Variants in COL19A1 observed in about 807,000 individuals in gnomAD.
The protein encoded by COL19A1 is collagen alpha-1(XIX) chain.
In COL19A1, 159 loss-of-function variants were observed where a neutral mutation model predicts 190.2. The ratio of observed to expected loss-of-function variants is 0.84; its 90% confidence interval spans 0.73 to 0.95. COL19A1 has a LOEUF of 0.95. COL19A1 is among the 40% of genes least tolerant of loss of function. The probability of loss-of-function intolerance (pLI) is 0.00; values close to 1 mark genes in which losing one functional copy is unlikely to be tolerated. For missense variants in COL19A1, 1,418 were observed against 1,431.9 expected, an observed-to-expected ratio of 0.99 and a Z score of 0.16; for synonymous variants, 509 against 458.9, an observed-to-expected ratio of 1.11 and a Z score of -1.39.
At chr6:69,968,291 G>A (rs1445604078) in intron 11 of COL19A1, among the ~76,000 whole-genome samples, 9 of 152,142 alleles carry the variant, frequency 5.9e-5, no homozygotes, top group African/African-American at 2.2e-4. Flanking sequence ...AATAGCAGCA[G>A]TGAATTCATT....
chr6:70,065,309 C>T (rs923048730), intron 14 of COL19A1, among the ~76,000 whole-genome samples: 7 of 152,118 alleles, frequency 4.6e-5, no homozygotes, highest in African/African-American at 1.7e-4. Context: ...TACCACACAT[C>T]TACAACTATC....
chr6:69,927,656 C>T (rs1772485317), intron 4 of COL19A1, among the ~76,000 whole-genome samples: 1 of 152,116 alleles, frequency 6.6e-6, no homozygotes, highest in Non-Finnish European at 1.5e-5. Flanking sequence ...AGATTTTCTT[C>T]TGTTCAATAT....
At chr6:70,116,720 GA>G (rs1197679253) in intron 16 of COL19A1, among the ~76,000 whole-genome samples, 1 of 152,068 alleles carries the variant, frequency 6.6e-6, no homozygotes, top group Non-Finnish European at 1.5e-5. Flanking sequence ...TAGAACACTG[GA>G]AATGTTTCTT....
At chr6:70,001,855 A>T (rs996821382) in intron 11 of COL19A1, among the ~76,000 whole-genome samples, 1 of 152,016 alleles carries the variant, frequency 6.6e-6, no homozygotes, top group African/African-American at 2.4e-5. Flanking sequence ...AATACCCTTT[A>T]TTTCTTTCTG....
intron 16 of COL19A1, among the ~76,000 whole-genome samples, chr6:70,116,898 C>A (rs1239806392): frequency 6.6e-6 from 1 of 152,156 alleles, no homozygotes; most frequent in East Asian, 1.9e-4. Context: ...GGGCCAAAAG[C>A]AGCTGTGTGT....
chr6:70,018,716 T>A (rs1377620626), intron 11 of COL19A1, among the ~76,000 whole-genome samples: 1 of 152,040 alleles, frequency 6.6e-6, no homozygotes, highest in Non-Finnish European at 1.5e-5. Context: ...GGAAAGATAA[T>A]TAAAGGGTGC....
chr6:69,951,078 G>A (rs569139058), intron 9 of COL19A1, among the ~76,000 whole-genome samples: 1 of 151,792 alleles, frequency 6.6e-6, no homozygotes, highest in South Asian at 2.1e-4. Context: ...TATTTTAATA[G>A]GAAAACTTTT....
chr6:69,985,046 C>T (rs913236440), intron 11 of COL19A1, among the ~76,000 whole-genome samples: 1 of 151,974 alleles, frequency 6.6e-6, no homozygotes, highest in African/African-American at 2.4e-5. Flanking sequence ...GTCTCCCTAC[C>T]CACTTGTAGT....
At chr6:70,037,857 A>G (rs1779435353) in intron 14 of COL19A1, among the ~76,000 whole-genome samples, 1 of 152,224 alleles carries the variant, frequency 6.6e-6, no homozygotes, top group Non-Finnish European at 1.5e-5. Context: ...AAGCACTTAG[A>G]GATTACAAGC....
In COL19A1 at chr6:70,131,444, T is replaced by C. The variant is rs142537249; in HGVS notation, c.1383+1221T>C. 8.5e-5 allele frequency among the ~76,000 whole-genome samples: 13 copies of C among 152,330 alleles called. No homozygotes were observed. In the East Asian group the frequency reaches 2.1e-3, roughly 25 times the overall value. On this transcript the variant is annotated intron_variant, in intron 18 of 50. Transcript: ENST00000620364. ...CTAGGAGCTTCTTACAGATTGATGA[T>C]TGAAAATGAAATTTTCTGCTAAATA...
At chr6:69,999,174 C>T (rs1329878499) in intron 11 of COL19A1, among the ~76,000 whole-genome samples, 3 of 151,538 alleles carry the variant, frequency 2.0e-5, no homozygotes, top group Admixed American at 6.6e-5. Flanking sequence ...CTGCCCACCT[C>T]GGCCTCCCAA....
chr6:69,993,182 A>G (rs1163201191), intron 11 of COL19A1, among the ~76,000 whole-genome samples: 1 of 152,008 alleles, frequency 6.6e-6, no homozygotes, highest in Non-Finnish European at 1.5e-5. Flanking sequence ...GTTTAATTTT[A>G]TTATAAGCCT....
At chr6:70,067,470 C>T (rs1781307289) in intron 14 of COL19A1, among the ~76,000 whole-genome samples, 1 of 151,974 alleles carries the variant, frequency 6.6e-6, no homozygotes, top group Non-Finnish European at 1.5e-5. Context: ...GGATCCAGTT[C>T]TGGAGGGAGG....
chr6:69,931,285 A>G (rs934859535), intron 6 of COL19A1, among the ~76,000 whole-genome samples: 5 of 152,180 alleles, frequency 3.3e-5, no homozygotes, highest in African/African-American at 1.2e-4. Flanking sequence ...ATCAGTACAG[A>G]TTTAGCCTTA....
chr6:70,037,849 G>A (rs1779435193), intron 14 of COL19A1, among the ~76,000 whole-genome samples: 1 of 152,106 alleles, frequency 6.6e-6, no homozygotes, highest in East Asian at 1.9e-4. Context: ...CATCTGTCAA[G>A]CACTTAGAGA....
At chr6:70,098,668 C>T (rs564349989) in intron 15 of COL19A1, 5 of 296,902 alleles carry the variant, frequency 1.7e-5, no homozygotes, top group East Asian at 1.8e-4. Flanking sequence ...CAAACGATGG[C>T]GTTCCCTTCA....
At chr6:70,101,341 A>C (rs970589254) in intron 15 of COL19A1, among the ~76,000 whole-genome samples, 1 of 152,144 alleles carries the variant, frequency 6.6e-6, no homozygotes, top group Non-Finnish European at 1.5e-5. Context: ...AAAATAAAAA[A>C]TGTTTAAGAA....
At chr6:70,004,968 G>C (rs191751468) in intron 11 of COL19A1, among the ~76,000 whole-genome samples, 1 of 151,906 alleles carries the variant, frequency 6.6e-6, no homozygotes, top group South Asian at 2.1e-4. Context: ...GAGTAGCTGG[G>C]ACTACAGGTG....
rs542586204 is a variant in COL19A1 at position 70,043,563 on chromosome 6, A to T, written c.1170+7624A>T. Among the ~76,000 whole-genome samples the T allele has an allele frequency of 2.6e-5, 4 of 152,270 alleles. No individual in the cohort carries two copies. In the East Asian group the frequency reaches 7.7e-4, roughly 29 times the overall value. On this transcript the variant is annotated intron_variant, in intron 14 of 50. Coordinates refer to ENST00000620364, the MANE Select transcript of COL19A1 (RefSeq NM_001858.6). ...CCTTCACCCATGGGCTGAAGAATGG[A>T]TATTGTGTTAGCAGGCATGAAAACG...
Sources: allele counts gnomAD v4.1 joint callset (sites outside exome capture counted in the v4.1 genomes callset), GRCh38; gene constraint gnomAD v4.1.1; transcripts MANE v1.5; gene names NCBI Gene and HGNC (gene_info 2026-07-23, HGNC 2026-07-21).